SIPA1L1: variants seen among roughly 807,000 people sequenced by gnomAD.
The protein encoded by SIPA1L1 is signal induced proliferation associated 1 like 1.
A neutral mutation model predicts 162.7 loss-of-function variants in SIPA1L1; 26 were observed. That is an observed-to-expected ratio of 0.16 (90% CI 0.12 to 0.22). The LOEUF (loss-of-function observed/expected upper bound fraction) is 0.22. SIPA1L1 is among the 10% of genes least tolerant of loss of function. The pLI is 1.00. For synonymous variants in SIPA1L1, 829 were observed against 837.4 expected, an observed-to-expected ratio of 0.99 and a Z score of 0.17; for missense variants, 1,874 against 2,241.0, an observed-to-expected ratio of 0.84 and a Z score of 3.31.
At position 71,666,204 on chromosome 14, in the gene SIPA1L1, C is replaced by T. The variant is rs551034729; in HGVS notation, c.2255+4737C>T. Reference sequence around the variant, plus strand: ...CCCCTAAAAAAAATTAAATCTGAATCTGATCAAGCTTCCAGAAAAGCCAAT... The same window carrying T: ...CCCCTAAAAAAAATTAAATCTGAATTTGATCAAGCTTCCAGAAAAGCCAAT... On this transcript the variant is annotated intron_variant, in intron 10 of 23. Transcript: ENST00000381232. Among the ~76,000 whole-genome samples the T allele has an allele frequency of 1.6e-3, 247 of 152,264 alleles. 1 individual carries two copies. Among genetic ancestry groups the T allele is most frequent in the African/African-American group, 5.2e-3 (216 of 41,548 alleles).
At chr14:71,534,963 A>G (rs1457486921) in intron 4 of SIPA1L1, among the ~76,000 whole-genome samples, 2 of 152,252 alleles carry the variant, frequency 1.3e-5, no homozygotes, top group African/African-American at 4.8e-5. Flanking sequence ...CTCATTTAAT[A>G]CACTATTCTC....
At chr14:71,702,605 A>C in intron 15 of SIPA1L1, 100 bp downstream of exon 15, 1 of 1,041,524 alleles carries the variant, frequency 9.6e-7, no homozygotes, top group South Asian at 1.6e-5. Flanking sequence ...AGGTAGCCCT[A>C]GTTAATAAAT....
At chr14:71,565,077 T>A (rs2030126475) in intron 4 of SIPA1L1, among the ~76,000 whole-genome samples, 1 of 152,220 alleles carries the variant, frequency 6.6e-6, no homozygotes, top group Non-Finnish European at 1.5e-5. Flanking sequence ...TGAAGAACAT[T>A]GGCTCTTTTC....
chr14:71,583,391 T>A (rs2034191297), intron 4 of SIPA1L1, among the ~76,000 whole-genome samples: 1 of 152,212 alleles, frequency 6.6e-6, no homozygotes, highest in African/African-American at 2.4e-5. Context: ...CCTGAAACAT[T>A]GAGAGCTGGC....
rs775610372 is a variant in SIPA1L1, at chr14:71,589,382, T to A, written c.1498+12T>A. ...TTTCTACCAGAAGGGTAAGTAGAGATCCTTTATTTCTTACATTTTCTTTTG... is the reference window on the plus strand; with the variant it reads ...TTTCTACCAGAAGGGTAAGTAGAGAACCTTTATTTCTTACATTTTCTTTTG... On this transcript the variant is annotated intron_variant, in intron 5 of 23. Coordinates refer to ENST00000381232, the MANE Select transcript of SIPA1L1 (RefSeq NM_001386936.1). 6.5e-7 allele frequency: 1 copy of A among 1,535,818 alleles called. No homozygotes were observed. Among genetic ancestry groups the A allele is most frequent in the Admixed American group, 1.8e-5 (1 of 56,028 alleles).
At chr14:71,729,996 T>A in intron 19 of SIPA1L1, 59 bp from the exon 20 acceptor site, 18 of 1,571,670 alleles carry the variant, frequency 1.1e-5, no homozygotes, top group Non-Finnish European at 1.5e-5. Context: ...CCCCCAACCT[T>A]GGTCTCAGGG....
intron 2 of SIPA1L1, among the ~76,000 whole-genome samples, chr14:71,457,507 C>T (rs1468687603): frequency 6.6e-6 from 1 of 151,662 alleles, no homozygotes; most frequent in Non-Finnish European, 1.5e-5. Context: ...CTATATTGGC[C>T]AAGCTGGTCT....
chr14:71,322,778 AT>A (rs1232923785), intron 2 of SIPA1L1, among the ~76,000 whole-genome samples: 1 of 152,218 alleles, frequency 6.6e-6, no homozygotes, highest in Non-Finnish European at 1.5e-5. Context: ...GTTGACTGTC[AT>A]TTGATTTTTC....
intron 7 of SIPA1L1, among the ~76,000 whole-genome samples, chr14:71,626,790 ATTAACTGTC>A (rs995203116): frequency 6.6e-5 from 10 of 152,060 alleles, no homozygotes; most frequent in Non-Finnish European, 1.2e-4. Flanking sequence ...TTATGTTTTT[ATTAACTGTC>A]TTACATAACC....
intron 18 of SIPA1L1, among the ~76,000 whole-genome samples, 159 bp downstream of exon 18, chr14:71,724,045 T>A (rs1010520749): frequency 1.3e-5 from 2 of 152,172 alleles, no homozygotes; most frequent in African/African-American, 4.8e-5. Context: ...AAGTAATATT[T>A]TCTTAAATTA....
intron 2 of SIPA1L1, among the ~76,000 whole-genome samples, chr14:71,502,093 T>G (rs2143662613): frequency 6.9e-6 from 1 of 145,856 alleles, no homozygotes; most frequent in South Asian, 2.2e-4. Context: ...TTTTCTTCTG[T>G]GTGTCATATT....
chr14:71,457,723 T>C (rs1295236067), intron 2 of SIPA1L1, among the ~76,000 whole-genome samples: 1 of 152,136 alleles, frequency 6.6e-6, no homozygotes, highest in African/African-American at 2.4e-5. Flanking sequence ...GCCTCCTAAG[T>C]AGCTGGGATT....
At chr14:71,731,419 G>A (rs2084768645) in intron 20 of SIPA1L1, among the ~76,000 whole-genome samples, 1 of 152,154 alleles carries the variant, frequency 6.6e-6, no homozygotes, top group African/African-American at 2.4e-5. Flanking sequence ...ATGAACCAAG[G>A]TTGGCACATG....
At chr14:71,598,968 CCCTT>C (rs1021558881) in intron 5 of SIPA1L1, among the ~76,000 whole-genome samples, 56 of 152,196 alleles carry the variant, frequency 3.7e-4, no homozygotes, top group African/African-American at 1.3e-3. Flanking sequence ...CACCTACACA[CCCTT>C]CCTGGTCTCT....
intron 5 of SIPA1L1, among the ~76,000 whole-genome samples, chr14:71,611,671 TG>T (rs1268514893): frequency 6.6e-5 from 10 of 152,196 alleles, no homozygotes; most frequent in African/African-American, 1.2e-4. Flanking sequence ...TTTCTGTTAC[TG>T]TGTTAGTTTG....
intron 2 of SIPA1L1, among the ~76,000 whole-genome samples, chr14:71,413,796 G>C (rs989851877): frequency 2.0e-5 from 3 of 152,196 alleles, no homozygotes; most frequent in Admixed American, 1.3e-4. Context: ...ACCAATTAAA[G>C]AAGGTTTTAG....
At chr14:71,436,302 A>G (rs1239415535) in intron 2 of SIPA1L1, among the ~76,000 whole-genome samples, 1 of 152,160 alleles carries the variant, frequency 6.6e-6, no homozygotes, top group East Asian at 1.9e-4. Flanking sequence ...GTTTATTACT[A>G]TTCTACTTCA....
chr14:71,698,235 A>C (rs10146552), intron 13 of SIPA1L1, among the ~76,000 whole-genome samples: 65,987 of 152,046 alleles, frequency 0.43, 15,108 homozygotes, highest in Admixed American at 0.52. Context: ...TGCCTACTAG[A>C]GTAGAGGAGG....
At chr14:71,728,701 C>T (rs1167023073) in intron 19 of SIPA1L1, among the ~76,000 whole-genome samples, 4 of 152,180 alleles carry the variant, frequency 2.6e-5, no homozygotes, top group African/African-American at 9.7e-5. Flanking sequence ...ATGGGAAGTC[C>T]CAGGGTGGCT....
Sources: gnomAD v4.1 joint callset for allele counts (sites outside exome capture counted in the v4.1 genomes callset) on GRCh38, gnomAD v4.1.1 for gene constraint, MANE v1.5 for transcripts, NCBI Gene and HGNC (gene_info 2026-07-23, HGNC 2026-07-21) for gene names.